TRABD: variants seen among roughly 807,000 people sequenced by gnomAD.
TRABD encodes the protein traB domain-containing protein.
In TRABD, 23 loss-of-function variants were observed where a neutral mutation model predicts 39.6. The observed-to-expected ratio is 0.58, with a 90% CI of 0.42 to 0.82. TRABD has a LOEUF of 0.82. Among genes scored for constraint, TRABD ranks in the 40% least tolerant of loss-of-function variants. The pLI is 0.00. For synonymous variants in TRABD, 243 were observed against 232.1 expected (o/e 1.05, Z -0.43); for missense variants, 487 against 544.9 (o/e 0.89, Z 1.06).
chr22:50,197,707 T>G (rs1164811910), intron 7 of TRABD, 116 bp from the exon 8 acceptor site: 1 of 1,569,140 alleles, frequency 6.4e-7, no homozygotes, highest in Admixed American at 1.7e-5. Flanking sequence ...GCCCTTTCCT[T>G]CCGCCACAAA....
In TRABD at chr22:50,193,043, G is replaced by A. The variant is rs933804055; in HGVS notation, c.-18G>A. The A allele has an allele frequency of 3.9e-6, 6 of 1,544,828 alleles. No homozygotes were observed. Among genetic ancestry groups the A allele is most frequent in the Non-Finnish European group, 5.2e-6 (6 of 1,147,010 alleles). ...TCTCCTCAGGCTCCCCACAGGTGCA[G>A]GAAGCCGCCGCCCAGCCATGGACGG... is the stretch of plus-strand genomic sequence containing the variant. On this transcript the variant is annotated 5_prime_UTR_variant, in exon 2 of 10. Coordinates refer to ENST00000380909, the MANE Select transcript of TRABD (RefSeq NM_001320485.2).
Position 50,199,020 on chromosome 22 carries a change from G to A in TRABD, c.*501G>A, listed in dbSNP as rs541370591. On this transcript the variant is annotated 3_prime_UTR_variant, in exon 10 of 10. Coordinates refer to ENST00000380909, the MANE Select transcript of TRABD (RefSeq NM_001320485.2). ...CCGTGCCCCTGGCATCCTGGCCCTG[G>A]CCGCCACCTCCCTGGCACCGTCTGC... The A allele has an allele frequency of 1.8e-5, 12 of 678,256 alleles. No homozygotes were observed. The highest frequency in any genetic ancestry group is 4.3e-5 in the Admixed American group (2 of 46,914). 42.0% of individuals were successfully genotyped at this position (678,256 alleles called of 1,614,324 possible).
In TRABD at chr22:50,198,327, GC is replaced by G; in HGVS notation, c.957-13del. 3 of 1,544,970 alleles carry G rather than the reference GC, an allele frequency of 1.9e-6. No individual in the cohort carries two copies. The highest frequency in any genetic ancestry group is 2.6e-6 in the Non-Finnish European group (3 of 1,145,836). ...GAGCCCACCCCCAGCCAGGCCCAGC[GC>G]CCCCTCCCTCCCACAGCGTGCCCCC... is the stretch of plus-strand genomic sequence containing the variant. On this transcript the variant is annotated splice_polypyrimidine_tract_variant and intron_variant, in intron 9 of 9. Coordinates refer to ENST00000380909, the MANE Select transcript of TRABD (RefSeq NM_001320485.2). This position sits in a 1 kb window ranked among gnomAD's most constrained non-coding sequence, Gnocchi z 7.9.
At chr22:50,197,090 G>C in intron 5 of TRABD, 151 bp from the exon 6 acceptor site, 1 of 715,532 alleles carries the variant, frequency 1.4e-6, no homozygotes, top group Non-Finnish European at 2.3e-6. Flanking sequence ...CGCTAGGGTG[G>C]TCCTGCACCT....
At chr22:50,196,523 G>A (rs574054951) in intron 5 of TRABD, among the ~76,000 whole-genome samples, 68 of 152,238 alleles carry the variant, frequency 4.5e-4, no homozygotes, top group Non-Finnish European at 6.2e-4. Flanking sequence ...AATAGGCCTC[G>A]GGCTGTAGCT....
rs996281472 is a variant in TRABD, at chr22:50,198,382, T to A, written c.994T>A (p.Leu332Met). The A allele has an allele frequency of 2.7e-5, 43 of 1,590,650 alleles. 1 individual carries two copies. The highest frequency in any genetic ancestry group is 3.4e-5 in the Non-Finnish European group (40 of 1,174,086). Residue 332 changes from leucine to methionine, a missense_variant, in exon 10 of 10, where the codon TTG becomes ATG. Coordinates refer to ENST00000380909, the MANE Select transcript of TRABD (RefSeq NM_001320485.2). This position sits in a 1 kb window ranked among gnomAD's most constrained non-coding sequence, Gnocchi z 7.9. ...PPSVSGRVSR[L>M]AVKAAFFGLL... ...GTCCGTCTCCGGCAGAGTGTCTCGG[T>A]TGGCCGTGAAGGCCGCCTTCTTCGG...
chr22:50,197,202 C>G, intron 5 of TRABD, 39 bp from the exon 6 acceptor site: 1 of 1,592,466 alleles, frequency 6.3e-7, no homozygotes, highest in Non-Finnish European at 8.6e-7. Context: ...CACCCCCGCA[C>G]CCGCCCCTCC....
At position 50,198,061 on chromosome 22, in the gene TRABD, G is replaced by A. The variant is rs1457863594; in HGVS notation, c.845-14G>A. On this transcript the variant is annotated splice_polypyrimidine_tract_variant and intron_variant, in intron 8 of 9. Coordinates refer to ENST00000380909, the MANE Select transcript of TRABD (RefSeq NM_001320485.2). This position sits in a 1 kb window ranked among gnomAD's most constrained non-coding sequence, Gnocchi z 7.9. ...AGGCCCGAGCAGGTACTGACCCCTT[G>A]TCCTTCCCCACAGCCGAGCCCAGGA... 2 of 1,612,404 alleles carry A rather than the reference G, an allele frequency of 1.2e-6. No homozygotes were observed. The highest frequency in any genetic ancestry group is 2.2e-5 in the South Asian group (2 of 91,024).
In TRABD at chr22:50,198,155, A is replaced by T. The variant is rs1351872943; in HGVS notation, c.925A>T (p.Ser309Cys). ...CGTGCCTGGCATCGAGAAGAACTGG[A>T]GCACCGACCTCAACATCCAGGAGAT... is the stretch of plus-strand genomic sequence containing the variant. ...GHVPGIEKNW[S>C]TDLNIQEIMT... Residue 309 changes from serine to cysteine, a missense_variant, in exon 9 of 10, where the codon AGC becomes TGC. Ser to Cys is a moderately radical substitution (Grantham distance 112, BLOSUM62 -1). Transcript: ENST00000380909. This position sits in a 1 kb window ranked among gnomAD's most constrained non-coding sequence, Gnocchi z 7.9. The T allele has an allele frequency of 6.2e-7, 1 of 1,612,090 alleles. No individual in the cohort carries two copies. The highest frequency in any genetic ancestry group is 8.5e-7 in the Non-Finnish European group (1 of 1,179,556).
intron 3 of TRABD, 123 bp from the exon 4 acceptor site, chr22:50,194,217 C>A: frequency 1.6e-6 from 2 of 1,263,534 alleles, no homozygotes; most frequent in Non-Finnish European, 2.2e-6. Flanking sequence ...CGTCAGGAGT[C>A]TTGTGCTCTG....
At position 50,198,538 on chromosome 22, in the gene TRABD, C is replaced by G; in HGVS notation, c.*19C>G. 6.6e-7 allele frequency: 1 copy of G among 1,507,526 alleles called. No homozygotes were observed. Among genetic ancestry groups the G allele is most frequent in the Non-Finnish European group, 8.8e-7 (1 of 1,132,620 alleles). 93.4% of individuals were successfully genotyped at this position (1,507,526 alleles called of 1,614,324 possible). ...CAAGTAGGAGACTGCTCCCCGCCCG[C>G]TCGGGCCCCTGAGGAGCCAGTGCCC... On this transcript the variant is annotated 3_prime_UTR_variant, in exon 10 of 10. Transcript: ENST00000380909. This position sits in a 1 kb window ranked among gnomAD's most constrained non-coding sequence, Gnocchi z 7.9.
chr22:50,187,986 AAAAATGAGGT>A (rs1486312513), intron 1 of TRABD, among the ~76,000 whole-genome samples: 1 of 150,960 alleles, frequency 6.6e-6, no homozygotes, highest in Non-Finnish European at 1.5e-5. Flanking sequence ...TCTCAAAAAC[AAAAATGAGGT>A]CTTGGCCTGG....
At chr22:50,197,764 G>GCCGC in intron 7 of TRABD, 59 bp from the exon 8 acceptor site, 6 of 1,284,778 alleles carry the variant, frequency 4.7e-6, no homozygotes, top group African/African-American at 1.5e-5. Flanking sequence ...CACAGTGCCA[G>GCCGC]CCCCACCCCC....
At chr22:50,189,818 C>T (rs548046549) in intron 1 of TRABD, among the ~76,000 whole-genome samples, 68 of 151,848 alleles carry the variant, frequency 4.5e-4, no homozygotes, top group African/African-American at 1.6e-3. Flanking sequence ...CTGGCCGGAC[C>T]CCAGGTGATG....
intron 1 of TRABD, among the ~76,000 whole-genome samples, chr22:50,187,612 G>A (rs1389999808): frequency 6.6e-6 from 1 of 152,202 alleles, no homozygotes; most frequent in Admixed American, 6.5e-5. Flanking sequence ...GTTTCTAGTG[G>A]GGTGAAGGGG....
Position 50,198,223 on chromosome 22 carries a change from A to C in TRABD, c.956+37A>C, listed in dbSNP as rs1194704996. The C allele has an allele frequency of 1.3e-6, 2 of 1,568,436 alleles. No homozygotes were observed. Among genetic ancestry groups the C allele is most frequent in the South Asian group, 1.1e-5 (1 of 87,078 alleles). On this transcript the variant is annotated intron_variant, in intron 9 of 9. Transcript: ENST00000380909. This position sits in a 1 kb window ranked among gnomAD's most constrained non-coding sequence, Gnocchi z 7.9. ...CCCCTCCCTGCAAGCCCCACCCCAC[A>C]AGCCCCCAGGTGGAGGCTGAGCGCC...
intron 3 of TRABD, 57 bp from the exon 4 acceptor site, chr22:50,194,283 C>T: frequency 1.3e-6 from 2 of 1,578,684 alleles, no homozygotes; most frequent in Non-Finnish European, 1.7e-6. Flanking sequence ...TGCCAGCGGG[C>T]CCGGCGGCGT....
intron 3 of TRABD, 85 bp downstream of exon 3, chr22:50,193,739 G>A (rs2063991852): frequency 7.4e-7 from 1 of 1,348,928 alleles, no homozygotes. Context: ...ACCACTGCCA[G>A]GGGCTTGGAG....
intron 1 of TRABD, 48 bp downstream of exon 1, chr22:50,186,024 A>T (rs923125930): frequency 6.8e-5 from 9 of 132,484 alleles, no homozygotes; most frequent in Admixed American, 6.6e-4. Context: ...GGGGCCCAGC[A>T]CCGAGCGGGG....
Sources: allele counts gnomAD v4.1 joint callset (sites outside exome capture counted in the v4.1 genomes callset), GRCh38; gene constraint gnomAD v4.1.1; non-coding constraint Gnocchi (gnomAD v3.1); transcripts MANE v1.5; gene names NCBI Gene and HGNC (gene_info 2026-07-23, HGNC 2026-07-21).